CHRM3: variants seen among roughly 807,000 people sequenced by gnomAD.
CHRM3 encodes the protein cholinergic receptor muscarinic 3, also known as muscarinic acetylcholine receptor M3.
CHRM3 carries 11 observed loss-of-function variants against 41.8 expected under a neutral mutation model. The observed-to-expected ratio is 0.26, with a 90% CI of 0.17 to 0.44. The LOEUF (loss-of-function observed/expected upper bound fraction) is 0.44. CHRM3 is among the 20% of genes least tolerant of loss of function. CHRM3 has a pLI of 1.00. For missense variants in CHRM3, 571 were observed against 745.4 expected, an observed-to-expected ratio of 0.77 and a Z score of 2.72; for synonymous variants, 297 against 301.4, an observed-to-expected ratio of 0.99 and a Z score of 0.15.
intron 1 of CHRM3, among the ~76,000 whole-genome samples, chr1:239,414,590 A>T (rs1448626874): frequency 6.6e-6 from 1 of 152,244 alleles, no homozygotes; most frequent in Non-Finnish European, 1.5e-5. Flanking sequence ...GGTAATGTAC[A>T]CTTTGAAAAG....
intron 1 of CHRM3, among the ~76,000 whole-genome samples, chr1:239,429,302 A>G (rs1361358976): frequency 1.3e-5 from 2 of 152,206 alleles, no homozygotes; most frequent in African/African-American, 4.8e-5. Flanking sequence ...CTGAGAAGAA[A>G]ATGAACAAAG....
At chr1:239,598,351 GA>G (rs1343858994) in intron 3 of CHRM3, among the ~76,000 whole-genome samples, 1 of 152,112 alleles carries the variant, frequency 6.6e-6, no homozygotes, top group Non-Finnish European at 1.5e-5. Context: ...TCCCTGAGAT[GA>G]AATCGTACTC....
chr1:239,768,246 A>G (rs748284120), intron 5 of CHRM3, among the ~76,000 whole-genome samples: 45 of 152,306 alleles, frequency 3.0e-4, no homozygotes, highest in Non-Finnish European at 5.0e-4. Flanking sequence ...CTCCTAAAGC[A>G]TATCTTAGGA....
chr1:239,804,568 G>A (rs1347163937), intron 5 of CHRM3, among the ~76,000 whole-genome samples: 1 of 152,152 alleles, frequency 6.6e-6, no homozygotes, highest in Admixed American at 6.5e-5. Flanking sequence ...TTGTTTTTAA[G>A]AGAGTTTGTT....
At chr1:239,535,999 A>G (rs1658163510) in intron 2 of CHRM3, among the ~76,000 whole-genome samples, 1 of 152,124 alleles carries the variant, frequency 6.6e-6, no homozygotes, top group Non-Finnish European at 1.5e-5. Context: ...TGTCTTTTTA[A>G]CTGCAAGCCA....
chr1:239,551,051 T>C (rs1399659957), intron 3 of CHRM3, among the ~76,000 whole-genome samples: 1 of 151,606 alleles, frequency 6.6e-6, no homozygotes, highest in Non-Finnish European at 1.5e-5. Flanking sequence ...ACGTACATGC[T>C]ATATAATTTA....
At chr1:239,675,932 T>C (rs1356252806) in intron 4 of CHRM3, among the ~76,000 whole-genome samples, 1 of 152,182 alleles carries the variant, frequency 6.6e-6, no homozygotes, top group Non-Finnish European at 1.5e-5. Context: ...ATTTCACAAC[T>C]CTGGAGAATC....
chr1:239,717,479 A>G (rs1662500451), intron 5 of CHRM3, among the ~76,000 whole-genome samples: 1 of 152,010 alleles, frequency 6.6e-6, no homozygotes, highest in African/African-American at 2.4e-5. Context: ...ACACACACAC[A>G]CACACATGAT....
intron 1 of CHRM3, among the ~76,000 whole-genome samples, chr1:239,454,284 A>T (rs1218656895): frequency 6.6e-6 from 1 of 152,094 alleles, no homozygotes; most frequent in Non-Finnish European, 1.5e-5. Flanking sequence ...TATTTGCTAG[A>T]TTGGCTCATT....
intron 3 of CHRM3, among the ~76,000 whole-genome samples, chr1:239,603,028 C>T (rs1056780034): frequency 1.3e-5 from 2 of 152,154 alleles, no homozygotes; most frequent in African/African-American, 4.8e-5. Flanking sequence ...CTCCTTCCCC[C>T]AGCCTCTGGC....
chr1:239,522,406 G>A (rs1184888015), intron 2 of CHRM3, among the ~76,000 whole-genome samples: 3 of 152,178 alleles, frequency 2.0e-5, no homozygotes, highest in South Asian at 2.1e-4. Flanking sequence ...TTAGTAGATC[G>A]TCCGGGTCTA....
At chr1:239,629,120 T>C (rs2148855648) in intron 3 of CHRM3, 1 of 135,538 alleles carries the variant, frequency 7.4e-6, no homozygotes, top group South Asian at 2.6e-4. Context: ...GCCTTGCAGT[T>C]TGATCTCAGA....
At chr1:239,439,486 T>C (rs1663535155) in intron 1 of CHRM3, among the ~76,000 whole-genome samples, 1 of 151,928 alleles carries the variant, frequency 6.6e-6, no homozygotes, top group South Asian at 2.1e-4. Flanking sequence ...ACCAGGACAA[T>C]GGACACGTGG....
chr1:239,408,123 T>C (rs1231327545), intron 1 of CHRM3: 1 of 152,148 alleles, frequency 6.6e-6, no homozygotes, highest in Non-Finnish European at 1.5e-5. Flanking sequence ...GCTGTTCTCG[T>C]AATAGTGAGT....
At position 239,533,741 on chromosome 1, in the gene CHRM3, A is replaced by C. The variant is rs556146572; in HGVS notation, c.-421-11900A>C. ...AGCCAAACTCTGTCTCAAAAAAAAA[A>C]AAAAAAAAACAAAAAAACCCTTAAA... On this transcript the variant is annotated intron_variant, in intron 2 of 6. Coordinates refer to ENST00000676153, the MANE Select transcript of CHRM3 (RefSeq NM_001375978.1). Among the ~76,000 whole-genome samples, 507 of 148,808 alleles carry C rather than the reference A, an allele frequency of 3.4e-3. 9 individuals are homozygous for C. The highest frequency in any genetic ancestry group is 0.012 in the African/African-American group (467 of 40,422).
intron 5 of CHRM3, among the ~76,000 whole-genome samples, chr1:239,778,499 T>C (rs1668274273): frequency 6.6e-6 from 1 of 152,150 alleles, no homozygotes; most frequent in South Asian, 2.1e-4. Flanking sequence ...GTTATAGACT[T>C]CCACCAGCCA....
chr1:239,844,409 A>C (rs985653961), intron 6 of CHRM3, among the ~76,000 whole-genome samples: 4 of 152,234 alleles, frequency 2.6e-5, no homozygotes, highest in African/African-American at 9.6e-5. Flanking sequence ...CAAGGAAAGA[A>C]ATACAGTATC....
intron 5 of CHRM3, among the ~76,000 whole-genome samples, chr1:239,773,700 A>C (rs931022836): frequency 6.6e-6 from 1 of 152,224 alleles, no homozygotes; most frequent in African/African-American, 2.4e-5. Flanking sequence ...CCCTTTAGCT[A>C]TCAATCACTA....
At chr1:239,503,318 A>C (rs1194899473) in intron 2 of CHRM3, among the ~76,000 whole-genome samples, 1 of 152,106 alleles carries the variant, frequency 6.6e-6, no homozygotes, top group Non-Finnish European at 1.5e-5. Context: ...CAAAAGCTGC[A>C]AAAAATAAAA....
Sources: gnomAD v4.1 joint callset for allele counts (sites outside exome capture counted in the v4.1 genomes callset) on GRCh38, gnomAD v4.1.1 for gene constraint, MANE v1.5 for transcripts, NCBI Gene and HGNC (gene_info 2026-07-23, HGNC 2026-07-21) for gene names.